Variants in PRIM2 observed in about 807,000 individuals in gnomAD.
PRIM2 encodes DNA primase subunit 2.
Under a neutral mutation model 67.3 loss-of-function variants are expected in PRIM2, and 39 were observed. The observed-to-expected ratio is 0.58, with a 90% CI of 0.45 to 0.76. The LOEUF (loss-of-function observed/expected upper bound fraction) is 0.76. PRIM2 is among the 30% of genes least tolerant of loss of function. The probability of loss-of-function intolerance (pLI) is 0.00; values close to 1 mark genes in which losing one functional copy is unlikely to be tolerated. For synonymous variants in PRIM2, 143 were observed against 198.7 expected (o/e 0.72, Z 2.36); for missense variants, 398 against 598.7 (o/e 0.66, Z 3.50).
At chr6:57,334,181 C>T (rs1158445649) in intron 5 of PRIM2, among the ~76,000 whole-genome samples, 3 of 152,180 alleles carry the variant, frequency 2.0e-5, no homozygotes, top group South Asian at 4.1e-4. Context: ...CTGTGCCTGG[C>T]TTTATTTACT....
At chr6:57,486,911 A>C (rs1456863725) in intron 7 of PRIM2, among the ~76,000 whole-genome samples, 1 of 152,202 alleles carries the variant, frequency 6.6e-6, no homozygotes, top group Non-Finnish European at 1.5e-5. Context: ...TAGAGTGTAC[A>C]TTTGATTTCT....
intron 10 of PRIM2, among the ~76,000 whole-genome samples, chr6:57,538,299 C>T (rs1482746447): frequency 1.4e-4 from 22 of 152,284 alleles, no homozygotes; most frequent in African/African-American, 4.6e-4. Flanking sequence ...GTTGTGATTA[C>T]AGCTGTGAGC....
chr6:57,305,165 T>C, the PRIM2 span, among the ~76,000 whole-genome samples: 28 of 136,106 alleles, frequency 2.1e-4, no homozygotes, highest in Admixed American at 7.4e-4. Flanking sequence ...CTTGGCATTA[T>C]AACAGGATCA....
intron 7 of PRIM2, among the ~76,000 whole-genome samples, chr6:57,389,341 C>A (rs1770255474): frequency 6.6e-6 from 1 of 152,112 alleles, no homozygotes. Flanking sequence ...TCTAGAACTC[C>A]TGTGTTCAAG....
intron 7 of PRIM2, among the ~76,000 whole-genome samples, chr6:57,423,007 G>C (rs1200030407): frequency 6.6e-6 from 1 of 152,160 alleles, no homozygotes; most frequent in Non-Finnish European, 1.5e-5. Flanking sequence ...TTCAGTGTTA[G>C]TGCAGAGTAA....
intron 7 of PRIM2, among the ~76,000 whole-genome samples, chr6:57,419,913 A>G (rs1339181395): frequency 6.6e-5 from 10 of 152,222 alleles, no homozygotes; most frequent in Admixed American, 1.3e-4. Flanking sequence ...CACCTCTCAC[A>G]GGACTTTGAT....
chr6:57,270,610 G>A, the PRIM2 span, among the ~76,000 whole-genome samples: 2 of 152,014 alleles, frequency 1.3e-5, no homozygotes, highest in Non-Finnish European at 2.9e-5. Context: ...CTAATTGAAT[G>A]CCCTTTATTT....
At position 57,320,316 on chromosome 6, in the gene PRIM2, T is replaced by A. The variant is rs1767610240; in HGVS notation, c.155-141T>A. ...CTCTTATAAGCATATGTAGTTTATA[T>A]GATGTCGTTACAGGAAATAAACTGG... is the stretch of plus-strand genomic sequence containing the variant. On this transcript the variant is annotated intron_variant, in intron 2 of 13. Transcript: ENST00000615550. 7 of 565,010 alleles carry A rather than the reference T, an allele frequency of 1.2e-5. No individual in the cohort carries two copies. The Admixed American group carries it at 2.1e-4, about 17-fold the overall frequency. The allele number at this position is 565,010 out of a possible 1,614,324, so 35.0% of individuals were successfully genotyped here. A position where few individuals can be genotyped will look rare whatever the true frequency, so the allele number is the denominator to read the frequency against.
At chr6:57,485,783 TC>T (rs1181775943) in intron 7 of PRIM2, among the ~76,000 whole-genome samples, 2 of 152,206 alleles carry the variant, frequency 1.3e-5, no homozygotes, top group African/African-American at 2.4e-5. Flanking sequence ...GTTAATTAAT[TC>T]ATTTTACAGA....
chr6:57,237,276 T>C, the PRIM2 span, among the ~76,000 whole-genome samples: 1 of 152,230 alleles, frequency 6.6e-6, no homozygotes, highest in Admixed American at 6.5e-5. Context: ...GTTTTTTTCT[T>C]GTAAATTTGT....
chr6:57,271,453 T>C, the PRIM2 span, among the ~76,000 whole-genome samples: 1 of 152,226 alleles, frequency 6.6e-6, no homozygotes, highest in East Asian at 1.9e-4. Context: ...TAGTTTGTAT[T>C]TCTGTGGGAT....
intron 12 of PRIM2, among the ~76,000 whole-genome samples, chr6:57,625,573 G>T (rs1253739958): frequency 6.6e-6 from 1 of 152,084 alleles, no homozygotes; most frequent in Non-Finnish European, 1.5e-5. Context: ...ATTAGATTTG[G>T]CTTTTAGAAA....
chr6:57,242,178 A>G, the PRIM2 span, among the ~76,000 whole-genome samples: 1 of 152,218 alleles, frequency 6.6e-6, no homozygotes, highest in Non-Finnish European at 1.5e-5. Flanking sequence ...ACAGCTTGGC[A>G]TACAGTAAAT....
chr6:57,351,187 T>C (rs1405351039), intron 5 of PRIM2, among the ~76,000 whole-genome samples: 1 of 151,520 alleles, frequency 6.6e-6, no homozygotes, highest in Admixed American at 6.6e-5. Flanking sequence ...TGGATTTCTA[T>C]TTTTTTTCAG....
chr6:57,502,088 A>T (rs1774143907), intron 7 of PRIM2, among the ~76,000 whole-genome samples: 1 of 152,072 alleles, frequency 6.6e-6, no homozygotes, highest in Non-Finnish European at 1.5e-5. Context: ...TGTCATGGTC[A>T]CTCTTTTGGT....
chr6:57,295,699 A>G, the PRIM2 span, among the ~76,000 whole-genome samples: 1 of 152,224 alleles, frequency 6.6e-6, no homozygotes, highest in Non-Finnish European at 1.5e-5. Context: ...TGAGTGCCAA[A>G]TCTTAACTAC....
In PRIM2 at chr6:57,537,525, TGCAGTATG is replaced by T. The variant is rs1775025418; in HGVS notation, c.923_930del (p.Gln308ProfsTer32). The T allele has an allele frequency of 6.3e-7, 1 of 1,584,014 alleles. No homozygotes were observed. Among genetic ancestry groups the T allele is most frequent in the Non-Finnish European group, 8.6e-7 (1 of 1,156,322 alleles). ...CACCATCTTCGTCATGGAGGCCGAA[TGCAGTATG>T]GCCTATTTCTGAAGGGCATTGGTTT... On this transcript the variant is annotated frameshift_variant, in exon 10 of 14. Transcript: ENST00000615550. LOFTEE classifies it high-confidence loss of function.
intron 7 of PRIM2, among the ~76,000 whole-genome samples, chr6:57,390,869 T>C (rs1278374501): frequency 6.6e-6 from 1 of 152,164 alleles, no homozygotes; most frequent in East Asian, 1.9e-4. Context: ...GTCTTGATGG[T>C]AGAATGATTT....
intron 10 of PRIM2, among the ~76,000 whole-genome samples, chr6:57,566,697 T>C (rs1410408628): frequency 1.3e-5 from 2 of 152,204 alleles, no homozygotes; most frequent in Admixed American, 6.5e-5. Context: ...GTTGTACGTA[T>C]AGCTTTAAAA....
Sources: allele counts gnomAD v4.1 joint callset (sites outside exome capture counted in the v4.1 genomes callset), GRCh38; gene constraint gnomAD v4.1.1; transcripts MANE v1.5; gene names NCBI Gene and HGNC (gene_info 2026-07-23, HGNC 2026-07-21).